TXNDC11: variants seen among roughly 807,000 people sequenced by gnomAD.
TXNDC11 encodes the protein thioredoxin domain containing 11.
In TXNDC11, 68 loss-of-function variants were observed where a neutral mutation model predicts 78.0. The observed-to-expected ratio is 0.87, with a 90% confidence interval of 0.72 to 1.07. The LOEUF (loss-of-function observed/expected upper bound fraction) is 1.07. Among genes scored for constraint, TXNDC11 ranks in the 50% least tolerant of loss-of-function variants. TXNDC11 has a pLI of 0.00. For synonymous variants in TXNDC11, 571 were observed against 495.2 expected, an observed-to-expected ratio of 1.15 and a Z score of -2.03; for missense variants, 1,389 against 1,221.8, an observed-to-expected ratio of 1.14 and a Z score of -2.04.
chr16:11,704,066 TG>T (rs1486624205), intron 5 of TXNDC11, among the ~76,000 whole-genome samples: 1 of 152,138 alleles, frequency 6.6e-6, no homozygotes, highest in African/African-American at 2.4e-5. Flanking sequence ...CACTCCAGCC[TG>T]GGTGACAAGA....
chr16:11,704,440 A>G (rs748128242), intron 5 of TXNDC11, among the ~76,000 whole-genome samples: 1 of 152,222 alleles, frequency 6.6e-6, no homozygotes, highest in Admixed American at 6.5e-5. Context: ...GTGTCAAATG[A>G]TCTTCCCCCA....
At chr16:11,737,263 T>G (rs768997579) in intron 1 of TXNDC11, among the ~76,000 whole-genome samples, 1 of 151,260 alleles carries the variant, frequency 6.6e-6, no homozygotes, top group South Asian at 2.1e-4. Flanking sequence ...CTGGCCAACA[T>G]GGTGAAACCC....
rs149701958 is a variant in TXNDC11, at chr16:11,709,423, A to ATT, written c.794-8861_794-8860dup. On this transcript the variant is annotated intron_variant, in intron 5 of 11. Transcript: ENST00000283033. Reference sequence around the variant, plus strand: ...CCACCATGCGTAGCTAATTTTTTGTATTTTTTTTTTTTTTTTTTTTTTTTT... The same window carrying ATT: ...CCACCATGCGTAGCTAATTTTTTGTATTTTTTTTTTTTTTTTTTTTTTTTTTT... 3.1e-3 allele frequency among the ~76,000 whole-genome samples: 172 copies of ATT among 55,574 alleles called. 10 individuals are homozygous for ATT. The highest frequency in any genetic ancestry group is 5.6e-3 in the African/African-American group (72 of 12,754). The allele number at this position is 55,574 out of a possible 152,430, so 36.5% of individuals were successfully genotyped here. A position where few individuals can be genotyped will look rare whatever the true frequency, so the allele number is the denominator to read the frequency against.
chr16:11,740,240 T>C (rs1255227071), intron 1 of TXNDC11, among the ~76,000 whole-genome samples: 1 of 151,882 alleles, frequency 6.6e-6, no homozygotes, highest in Admixed American at 6.6e-5. Flanking sequence ...GGGGTAGAAA[T>C]GTTAGCCAGT....
At chr16:11,685,888 A>T (rs530190688) in intron 10 of TXNDC11, among the ~76,000 whole-genome samples, 1 of 152,220 alleles carries the variant, frequency 6.6e-6, no homozygotes, top group Non-Finnish European at 1.5e-5. Context: ...ACATTGTAAA[A>T]ATCCACTCAG....
chr16:11,695,233 A>G (rs1261675926), intron 7 of TXNDC11, among the ~76,000 whole-genome samples: 1 of 152,202 alleles, frequency 6.6e-6, no homozygotes, highest in African/African-American at 2.4e-5. Context: ...GTGGGTACAC[A>G]TGCAGGTATG....
chr16:11,713,231 T>C (rs2051419964), intron 5 of TXNDC11, among the ~76,000 whole-genome samples: 2 of 143,054 alleles, frequency 1.4e-5, no homozygotes, highest in East Asian at 2.0e-4. Context: ...GAGGCTGCAG[T>C]GAGCCATGAT....
At chr16:11,726,377 T>C (rs952615217) in intron 4 of TXNDC11, among the ~76,000 whole-genome samples, 5 of 151,978 alleles carry the variant, frequency 3.3e-5, no homozygotes, top group Admixed American at 6.6e-5. Context: ...GGTCAAGAGA[T>C]AGAGACCATC....
At chr16:11,729,077 A>G (rs564841264) in intron 4 of TXNDC11, among the ~76,000 whole-genome samples, 1 of 152,256 alleles carries the variant, frequency 6.6e-6, no homozygotes, top group South Asian at 2.1e-4. Context: ...ATTCTTCACC[A>G]TTTTGCTGTG....
chr16:11,684,000 C>T (rs986769554), intron 11 of TXNDC11, among the ~76,000 whole-genome samples, 165 bp downstream of exon 11: 1 of 152,190 alleles, frequency 6.6e-6, no homozygotes, highest in African/African-American at 2.4e-5. Flanking sequence ...ATCTGCCTGC[C>T]TCAGCCTCCC....
intron 4 of TXNDC11, among the ~76,000 whole-genome samples, chr16:11,728,215 A>AGT (rs2051941969): frequency 6.6e-6 from 1 of 152,214 alleles, no homozygotes; most frequent in South Asian, 2.1e-4. Flanking sequence ...TCTTATAGGC[A>AGT]GTGTGTGTGA....
chr16:11,687,976 A>T lies in TXNDC11; in HGVS notation c.2044-10T>A, dbSNP rs754717030. The stretch of plus-strand genomic sequence containing the variant: ...AGAGCAGGAGAACGTCCTGTGGGAA[A>T]GGGAAGACAGATGTTACTTGCACCG... On this transcript the variant is annotated splice_polypyrimidine_tract_variant and intron_variant, in intron 9 of 11. Coordinates refer to ENST00000283033, the MANE Select transcript of TXNDC11 (RefSeq NM_015914.7). The T allele has an allele frequency of 4.4e-6, 7 of 1,591,456 alleles. No individual in the cohort carries two copies. Among genetic ancestry groups the T allele is most frequent in the Non-Finnish European group, 6.0e-6 (7 of 1,160,264 alleles).
Position 11,742,586 on chromosome 16 carries a change from G to T in TXNDC11, c.145C>A (p.Arg49Ser). The T allele has an allele frequency of 6.9e-7, 1 of 1,457,148 alleles. No individual in the cohort carries two copies. The highest frequency in any genetic ancestry group is 3.0e-5 in the East Asian group (1 of 33,178). 90.3% of individuals were successfully genotyped at this position (1,457,148 alleles called of 1,614,324 possible). ...LATASSAGRL[R>S]RGLRGAFLMA... ...AGGAAGGCGCCACGCAGCCCGCGACGGAGCCGGCCCGCCGAGGACGCTGTG... is the reference window on the plus strand; with the variant it reads ...AGGAAGGCGCCACGCAGCCCGCGACTGAGCCGGCCCGCCGAGGACGCTGTG... Residue 49 changes from arginine (R) to serine (S), a missense_variant, in exon 1 of 12, where the codon CGT becomes AGT. Physicochemically the swap from Arg to Ser is moderately radical, Grantham distance 110. Transcript: ENST00000283033.
At chr16:11,725,950 A>T (rs550284787) in intron 4 of TXNDC11, among the ~76,000 whole-genome samples, 264 of 152,138 alleles carry the variant, frequency 1.7e-3, no homozygotes, top group Non-Finnish European at 3.0e-3. Context: ...ATCATAGCTC[A>T]CTGTAACGCC....
rs533110490 is a variant in TXNDC11 at position 11,691,180 on chromosome 16, G to A, written c.1900+110C>T. 1,443 of 901,048 alleles carry A rather than the reference G, an allele frequency of 1.6e-3. 3 individuals are homozygous for A. Among genetic ancestry groups the A allele is most frequent in the Non-Finnish European group, 2.2e-3 (1,279 of 589,680 alleles). The allele number at this position is 901,048 out of a possible 1,614,324, so 55.8% of individuals were successfully genotyped here. A position where few individuals can be genotyped will look rare whatever the true frequency, so the allele number is the denominator to read the frequency against. ...GGTCTAAAGACTTAAAATGAGCTAC[G>A]AAGGTGACATCACCCCACAACTAAA... On this transcript the variant is annotated intron_variant, in intron 8 of 11. Coordinates refer to ENST00000283033, the MANE Select transcript of TXNDC11 (RefSeq NM_015914.7).
At chr16:11,739,458 C>G (rs2052328671) in intron 1 of TXNDC11, among the ~76,000 whole-genome samples, 1 of 152,004 alleles carries the variant, frequency 6.6e-6, no homozygotes, top group Admixed American at 6.6e-5. Flanking sequence ...TTGAGCCCAG[C>G]AGTTTGAGGC....
rs201103025 is a variant in TXNDC11, at chr16:11,687,995, T to G, written c.2044-29A>C. The G allele has an allele frequency of 1.6e-4, 240 of 1,518,756 alleles. 1 individual carries two copies. In the Middle Eastern group the frequency reaches 2.2e-3, roughly 14 times the overall value. The allele number at this position is 1,518,756 out of a possible 1,614,324, so 94.1% of individuals were successfully genotyped here. A position where few individuals can be genotyped will look rare whatever the true frequency, so the allele number is the denominator to read the frequency against. ...TGGGAAAGGGAAGACAGATGTTACT[T>G]GCACCGGGAAATGGGCTCTTCTTCA... On this transcript the variant is annotated intron_variant, in intron 9 of 11. Transcript: ENST00000283033.
chr16:11,701,694 G>A (rs1347255606), intron 5 of TXNDC11, among the ~76,000 whole-genome samples: 1 of 152,096 alleles, frequency 6.6e-6, no homozygotes, highest in Non-Finnish European at 1.5e-5. Context: ...CCAAAAGGAA[G>A]CAAATTAAAA....
In TXNDC11 at chr16:11,705,030, G is replaced by A. The variant is rs371647302; in HGVS notation, c.794-4466C>T. 4.6e-4 allele frequency among the ~76,000 whole-genome samples: 70 copies of A among 152,110 alleles called. 1 individual carries two copies. In the East Asian group the frequency reaches 0.011, roughly 23 times the overall value. On this transcript the variant is annotated intron_variant, in intron 5 of 11. Coordinates refer to ENST00000283033, the MANE Select transcript of TXNDC11 (RefSeq NM_015914.7). ...CTGCCTCAGCCTCCCGAGTAGCTGG[G>A]ATTATAGGCATGCACCCCCATGTCC... is the stretch of plus-strand genomic sequence containing the variant.
Sources: gnomAD v4.1 joint callset for allele counts (sites outside exome capture counted in the v4.1 genomes callset) on GRCh38, gnomAD v4.1.1 for gene constraint, MANE v1.5 for transcripts, NCBI Gene and HGNC (gene_info 2026-07-23, HGNC 2026-07-21) for gene names.